MORC1: variants seen among roughly 807,000 people sequenced by gnomAD.
The protein encoded by MORC1 is MORC family CW-type zinc finger protein 1.
Under a neutral mutation model 134.9 loss-of-function variants are expected in MORC1, and 59 were observed. The observed-to-expected ratio is 0.44, with a 90% CI of 0.35 to 0.54. MORC1 has a LOEUF of 0.54. Ranked by LOEUF, MORC1 falls within the 20% of genes least tolerant of loss-of-function variation. The pLI is 0.00. For missense variants in MORC1, 947 were observed against 1,134.5 expected (o/e 0.83, Z 2.37); for synonymous variants, 395 against 391.7 (o/e 1.01, Z -0.10).
intron 8 of MORC1, among the ~76,000 whole-genome samples, chr3:109,076,358 A>C (rs1950421122): frequency 6.6e-6 from 1 of 152,202 alleles, no homozygotes; most frequent in Non-Finnish European, 1.5e-5. Flanking sequence ...GAGAAATAGG[A>C]ACACTTTTAC....
At chr3:109,099,082 C>A (rs1024847998) in intron 6 of MORC1, among the ~76,000 whole-genome samples, 2 of 152,084 alleles carry the variant, frequency 1.3e-5, no homozygotes, top group Non-Finnish European at 2.9e-5. Context: ...AAAGATTTTG[C>A]AGGTTTCTTC....
intron 9 of MORC1, among the ~76,000 whole-genome samples, chr3:109,066,416 G>C (rs574539906): frequency 3.3e-5 from 5 of 151,914 alleles, no homozygotes; most frequent in Non-Finnish European, 7.4e-5. Context: ...CTCTGGAATA[G>C]CTGGGATTAC....
intron 24 of MORC1, among the ~76,000 whole-genome samples, chr3:108,978,813 C>G (rs61124275): frequency 1.3e-5 from 2 of 152,268 alleles, no homozygotes; most frequent in South Asian, 4.1e-4. Flanking sequence ...CATCTCACCC[C>G]ACACAAGACC....
chr3:108,985,811 T>C (rs546068923), intron 22 of MORC1, among the ~76,000 whole-genome samples: 3 of 152,314 alleles, frequency 2.0e-5, no homozygotes, highest in Non-Finnish European at 4.4e-5. Flanking sequence ...AGAACCATAC[T>C]TGAAGTCACA....
Position 109,086,898 on chromosome 3 carries a change from A to G in MORC1, c.689+6538T>C, listed in dbSNP as rs1274291386. Among the ~76,000 whole-genome samples the G allele has an allele frequency of 3.9e-5, 6 of 152,126 alleles. No homozygotes were observed. In the East Asian group the frequency reaches 1.2e-3, roughly 29 times the overall value. On this transcript the variant is annotated intron_variant, in intron 8 of 27. Coordinates refer to ENST00000232603, the MANE Select transcript of MORC1 (RefSeq NM_014429.4). ...AAGTCAAATTATTTCAAAATTTTAA[A>G]AATGGTAAGTTATATCTAATATAAA... is the stretch of plus-strand genomic sequence containing the variant.
chr3:108,961,202 G>C (rs376424356), intron 27 of MORC1, among the ~76,000 whole-genome samples: 1 of 152,252 alleles, frequency 6.6e-6, no homozygotes, highest in East Asian at 1.9e-4. Context: ...CCTCGCCTCT[G>C]CATCTTTTCT....
intron 24 of MORC1, among the ~76,000 whole-genome samples, chr3:108,975,175 A>AT (rs1947514820): frequency 6.6e-6 from 1 of 152,234 alleles, no homozygotes; most frequent in African/African-American, 2.4e-5. Flanking sequence ...AACCTAGTTA[A>AT]TTAGCTTAGT....
At chr3:108,998,573 C>T (rs113119587) in intron 21 of MORC1, among the ~76,000 whole-genome samples, 5 of 152,264 alleles carry the variant, frequency 3.3e-5, no homozygotes, top group African/African-American at 9.6e-5. Flanking sequence ...CATACACTCA[C>T]ACGTGCACAC....
intron 23 of MORC1, among the ~76,000 whole-genome samples, chr3:108,983,023 T>TA (rs1337931888): frequency 6.0e-4 from 89 of 149,146 alleles, no homozygotes; most frequent in Admixed American, 8.7e-4. Context: ...CAACAGTGAT[T>TA]CCAAAAAAAA....
At chr3:109,055,895 G>A (rs1375136672) in intron 13 of MORC1, among the ~76,000 whole-genome samples, 1 of 152,188 alleles carries the variant, frequency 6.6e-6, no homozygotes, top group Admixed American at 6.5e-5. Context: ...GACAGGTGGT[G>A]GGGAAGGAAA....
At chr3:109,094,799 T>G in intron 7 of MORC1, 110 bp downstream of exon 7, 1 of 1,039,030 alleles carries the variant, frequency 9.6e-7, no homozygotes, top group South Asian at 2.2e-5. Flanking sequence ...CCAGTGTGAA[T>G]CCACATGAGA....
chr3:109,013,065 G>C (rs1478792218), intron 17 of MORC1, among the ~76,000 whole-genome samples: 2 of 152,102 alleles, frequency 1.3e-5, no homozygotes, highest in Non-Finnish European at 2.9e-5. Context: ...TATCAGTTGA[G>C]AGAGTTTTCT....
intron 20 of MORC1, among the ~76,000 whole-genome samples, chr3:109,001,647 C>T (rs901845142): frequency 1.3e-5 from 2 of 152,186 alleles, no homozygotes; most frequent in African/African-American, 4.8e-5. Context: ...TCTGGCAATT[C>T]CTTCACAATC....
At chr3:109,040,398 G>GAAAA (rs1949487339) in intron 14 of MORC1, among the ~76,000 whole-genome samples, 1 of 41,378 alleles carries the variant, frequency 2.4e-5, no homozygotes, top group Admixed American at 3.8e-4. Flanking sequence ...AAGAAAGAAA[G>GAAAA]AAAGAGAAGG....
intron 24 of MORC1, among the ~76,000 whole-genome samples, chr3:108,973,862 C>A (rs1947467609): frequency 6.6e-6 from 1 of 152,076 alleles, no homozygotes; most frequent in Non-Finnish European, 1.5e-5. Context: ...TCCCAAAGTT[C>A]TGGGATTACA....
chr3:109,035,922 C>A (rs1043835878), intron 14 of MORC1, among the ~76,000 whole-genome samples: 3 of 152,178 alleles, frequency 2.0e-5, no homozygotes, highest in Admixed American at 6.5e-5. Flanking sequence ...ATCTCTGGTT[C>A]CTTTTCTCTC....
chr3:109,037,269 C>T (rs761686590), intron 14 of MORC1, among the ~76,000 whole-genome samples: 2 of 152,218 alleles, frequency 1.3e-5, no homozygotes, highest in Non-Finnish European at 1.5e-5. Context: ...CCTCTTTCTT[C>T]GGCCTCTCAG....
At chr3:108,997,032 A>C (rs1576612150) in intron 21 of MORC1, among the ~76,000 whole-genome samples, 1 of 150,572 alleles carries the variant, frequency 6.6e-6, no homozygotes, top group East Asian at 1.9e-4. Context: ...AAAAAAAAAA[A>C]AAAATGCTGT....
intron 21 of MORC1, among the ~76,000 whole-genome samples, chr3:108,992,857 T>C (rs1948104821): frequency 6.6e-6 from 1 of 152,184 alleles, no homozygotes; most frequent in Non-Finnish European, 1.5e-5. Flanking sequence ...AAATTTTACT[T>C]TGTCAATTTT....
Sources: gnomAD v4.1 joint callset for allele counts (sites outside exome capture counted in the v4.1 genomes callset) on GRCh38, gnomAD v4.1.1 for gene constraint, MANE v1.5 for transcripts, NCBI Gene and HGNC (gene_info 2026-07-23, HGNC 2026-07-21) for gene names.